The following MAPK10 variants were observed in gnomAD, a reference collection of about 807,000 sequenced individuals.
The protein encoded by MAPK10 is mitogen-activated protein kinase 10.
MAPK10 carries 25 observed loss-of-function variants against 59.3 expected under a neutral mutation model. The observed-to-expected ratio is 0.42, with a 90% CI of 0.31 to 0.59. MAPK10 has a LOEUF of 0.59. Ranked by LOEUF, MAPK10 falls within the 20% of genes least tolerant of loss-of-function variation. MAPK10 has a pLI of 0.15. For synonymous variants in MAPK10, 190 were observed against 200.5 expected, an observed-to-expected ratio of 0.95 and a Z score of 0.44; for missense variants, 351 against 568.9, an observed-to-expected ratio of 0.62 and a Z score of 3.90.
rs746731749 is a variant in MAPK10 at position 86,101,001 on chromosome 4, T to C, written c.730+51A>G. ...ACATTCCCCTTGGCTATCTACAACG[T>C]GCACCCGTTTCATTCATGGTTTTGA... On this transcript the variant is annotated intron_variant, in intron 8 of 13. Transcript: ENST00000641462. 3 of 1,528,326 alleles carry C rather than the reference T, an allele frequency of 2.0e-6. No homozygotes were observed. The South Asian group carries it at 3.4e-5, about 18-fold the overall frequency. The allele number at this position is 1,528,326 out of a possible 1,614,324, so 94.7% of individuals were successfully genotyped here.
intron 2 of MAPK10, among the ~76,000 whole-genome samples, chr4:86,339,472 G>A (rs948651452): frequency 1.3e-4 from 20 of 152,236 alleles, no homozygotes; most frequent in East Asian, 7.7e-4. Context: ...TTATCTGACC[G>A]TATTAATAGA....
chr4:86,275,721 A>C (rs1422611052), intron 2 of MAPK10, among the ~76,000 whole-genome samples: 1 of 152,098 alleles, frequency 6.6e-6, no homozygotes, highest in Non-Finnish European at 1.5e-5. Flanking sequence ...TACAACCAAT[A>C]ATATGTGTTC....
chr4:86,181,851 C>T (rs1333588096), intron 3 of MAPK10, among the ~76,000 whole-genome samples: 3 of 152,076 alleles, frequency 2.0e-5, no homozygotes, highest in African/African-American at 4.8e-5. Context: ...AGCCACAACA[C>T]ATATTATTTC....
intron 1 of MAPK10, among the ~76,000 whole-genome samples, chr4:86,572,979 A>T (rs1324015341): frequency 6.6e-6 from 1 of 152,202 alleles, no homozygotes; most frequent in African/African-American, 2.4e-5. Flanking sequence ...CAATTAAAAA[A>T]ATGAATTGTT....
intron 1 of MAPK10, among the ~76,000 whole-genome samples, chr4:86,396,067 C>T (rs1292769828): frequency 1.3e-5 from 2 of 152,284 alleles, no homozygotes; most frequent in South Asian, 2.1e-4. Context: ...TGTTTCCGGC[C>T]GGGCGAGGTG....
intron 1 of MAPK10, among the ~76,000 whole-genome samples, chr4:86,444,140 G>A (rs372859236): frequency 1.3e-3 from 200 of 152,000 alleles, no homozygotes; most frequent in African/African-American, 4.6e-3. Flanking sequence ...ATAAGAAAGC[G>A]AGAAAGCAAC....
chr4:86,052,582 G>A (rs999596071), intron 11 of MAPK10, among the ~76,000 whole-genome samples: 1 of 152,116 alleles, frequency 6.6e-6, no homozygotes, highest in Non-Finnish European at 1.5e-5. Context: ...TAAGAGCAGA[G>A]AAATGCCCTC....
chr4:86,221,970 C>G (rs927482536), intron 2 of MAPK10, among the ~76,000 whole-genome samples: 2 of 151,988 alleles, frequency 1.3e-5, no homozygotes, highest in Non-Finnish European at 2.9e-5. Flanking sequence ...AGAACCTCCC[C>G]CTCTCTCTCT....
chr4:86,341,705 G>A (rs1478036375), intron 2 of MAPK10, among the ~76,000 whole-genome samples: 2 of 151,372 alleles, frequency 1.3e-5, no homozygotes, highest in Admixed American at 1.3e-4. Flanking sequence ...GATCAATTAT[G>A]TTATCACAAA....
At chr4:86,256,943 G>T (rs2093763664) in intron 2 of MAPK10, among the ~76,000 whole-genome samples, 1 of 146,994 alleles carries the variant, frequency 6.8e-6, no homozygotes, top group Non-Finnish European at 1.5e-5. Context: ...TAGTGGAGAC[G>T]GGGTTTCACT....
At chr4:86,271,430 A>C (rs1410484751) in intron 2 of MAPK10, among the ~76,000 whole-genome samples, 4 of 151,994 alleles carry the variant, frequency 2.6e-5, no homozygotes, top group Admixed American at 6.6e-5. Context: ...TTTTATTTTA[A>C]GAAAACTTTA....
rs2056715833 is a variant in MAPK10 at position 86,107,260 on chromosome 4, C to T, written c.329G>A (p.Arg110Gln). ...QNQTHAKRAY[R>Q]ELVLMKCVNH... ...CACACACTTCATGAGGACCAGCTCC[C>T]GGTACGCTCTCTTGGCATGTGTTTG... The change falls in exon 5 of 14, where the codon CGG (arginine) becomes CAG (glutamine). Residue 110 changes from arginine to glutamine, a missense_variant. By Grantham distance (43) the Arg-to-Gln change is conservative. Coordinates refer to ENST00000641462, the MANE Select transcript of MAPK10 (RefSeq NM_138982.4). 3 of 1,613,172 alleles carry T rather than the reference C, an allele frequency of 1.9e-6. No individual in the cohort carries two copies. Among genetic ancestry groups the T allele is most frequent in the East Asian group, 2.2e-5 (1 of 44,850 alleles).
intron 1 of MAPK10, among the ~76,000 whole-genome samples, chr4:86,574,994 G>A (rs1320561810): frequency 6.6e-6 from 1 of 152,204 alleles, no homozygotes; most frequent in Admixed American, 6.5e-5. Context: ...GTATTTGAAT[G>A]AGATGAGCAC....
intron 1 of MAPK10, among the ~76,000 whole-genome samples, chr4:86,367,787 C>G (rs1329763313): frequency 6.6e-6 from 1 of 151,920 alleles, no homozygotes; most frequent in Non-Finnish European, 1.5e-5. Flanking sequence ...ATGCTATAGG[C>G]ATTGTTTCTT....
chr4:86,424,738 G>A (rs932878072), intron 1 of MAPK10, among the ~76,000 whole-genome samples: 1 of 152,132 alleles, frequency 6.6e-6, no homozygotes, highest in South Asian at 2.1e-4. Context: ...GGGAAATCAT[G>A]AGGGTAGCAT....
intron 9 of MAPK10, among the ~76,000 whole-genome samples, chr4:86,071,799 G>C (rs1195149353): frequency 1.2e-3 from 173 of 150,256 alleles, no homozygotes; most frequent in Non-Finnish European, 2.1e-3. Flanking sequence ...CTGTAGCCTT[G>C]TAGTATAGTT....
chr4:86,155,441 G>GTA (rs1297092172), intron 4 of MAPK10, among the ~76,000 whole-genome samples: 2 of 151,620 alleles, frequency 1.3e-5, no homozygotes, highest in African/African-American at 2.4e-5. Context: ...TAATATGTAT[G>GTA]TATATATAAT....
At position 86,494,842 on chromosome 4, in the gene MAPK10, C is replaced by CAAAA. The variant is rs567947232; in HGVS notation, c.-263+99064_-263+99067dup. Among the ~76,000 whole-genome samples, 26 of 23,988 alleles carry CAAAA rather than the reference C, an allele frequency of 1.1e-3. 7 individuals carry two copies. Among genetic ancestry groups the CAAAA allele is most frequent in the African/African-American group, 4.0e-3 (17 of 4,210 alleles). 15.7% of individuals were successfully genotyped at this position (23,988 alleles called of 152,430 possible). On this transcript the variant is annotated intron_variant, in intron 1 of 4. Coordinates refer to the MAPK10 transcript ENST00000502302. ...TGGGCGACAGAGAGAGACTCCGTCT[C>CAAAA]AAAAAAAAAAAAAAAAAAAAAAAAA...
intron 1 of MAPK10, among the ~76,000 whole-genome samples, chr4:86,419,521 T>G (rs2149032341): frequency 6.6e-6 from 1 of 152,328 alleles, no homozygotes; most frequent in Non-Finnish European, 1.5e-5. Flanking sequence ...GTACTTTAAA[T>G]CAGCTCATTT....
Sources: allele counts gnomAD v4.1 joint callset (sites outside exome capture counted in the v4.1 genomes callset), GRCh38; gene constraint gnomAD v4.1.1; transcripts MANE v1.5; gene names NCBI Gene and HGNC (gene_info 2026-07-23, HGNC 2026-07-21).